LRP1B: variants seen among roughly 807,000 people sequenced by gnomAD.
LRP1B encodes the protein LDL receptor related protein 1B.
A neutral mutation model predicts 556.6 loss-of-function variants in LRP1B; 217 were observed. The ratio of observed to expected loss-of-function variants is 0.39; its 90% CI spans 0.35 to 0.44. The LOEUF (loss-of-function observed/expected upper bound fraction) is 0.44, where lower values mean the gene tolerates loss of function less well. LRP1B is among the 20% of genes least tolerant of loss of function. LRP1B has a pLI of 1.00. For missense variants in LRP1B, 5,053 were observed against 5,620.8 expected (o/e 0.90, Z 3.23); for synonymous variants, 2,047 against 1,865.8 (o/e 1.10, Z -2.50).
chr2:142,041,893 G>A (rs907838995), intron 1 of LRP1B, among the ~76,000 whole-genome samples: 1 of 150,940 alleles, frequency 6.6e-6, no homozygotes, highest in African/African-American at 2.4e-5. Context: ...TATTACACAT[G>A]TCTTAAACTT....
intron 3 of LRP1B, among the ~76,000 whole-genome samples, chr2:141,397,726 A>G (rs890317075): frequency 3.4e-4 from 51 of 151,646 alleles, no homozygotes; most frequent in Non-Finnish European, 8.8e-5. Context: ...CAGTTCAAAC[A>G]TTTATGTCTC....
intron 2 of LRP1B, among the ~76,000 whole-genome samples, chr2:141,669,944 G>T (rs10209842): frequency 4.6e-5 from 7 of 151,740 alleles, no homozygotes; most frequent in East Asian, 3.9e-4. Context: ...TAGTACAGAC[G>T]GGGTTTCACC....
At chr2:141,039,155 T>C (rs1250312460) in intron 11 of LRP1B, among the ~76,000 whole-genome samples, 2 of 152,082 alleles carry the variant, frequency 1.3e-5, no homozygotes, top group Admixed American at 1.3e-4. Context: ...CATTCCTTCA[T>C]CCTGCATATC....
At chr2:140,495,049 A>AG (rs1422855924) in intron 56 of LRP1B, among the ~76,000 whole-genome samples, 1 of 152,160 alleles carries the variant, frequency 6.6e-6, no homozygotes, top group Non-Finnish European at 1.5e-5. Flanking sequence ...ACAGGATCAA[A>AG]TACACTCCTT....
intron 15 of LRP1B, among the ~76,000 whole-genome samples, chr2:140,995,719 T>A (rs542846645): frequency 1.1e-4 from 17 of 152,156 alleles, no homozygotes; most frequent in Non-Finnish European, 1.9e-4. Flanking sequence ...CAGGCCTACT[T>A]AAGGGTTCTA....
At chr2:140,546,541 G>C (rs1214259368) in intron 43 of LRP1B, among the ~76,000 whole-genome samples, 1 of 152,106 alleles carries the variant, frequency 6.6e-6, no homozygotes, top group African/African-American at 2.4e-5. Flanking sequence ...GCAGAGCAAA[G>C]AAGGGGGAAA....
At chr2:141,663,964 C>T (rs1006665953) in intron 2 of LRP1B, among the ~76,000 whole-genome samples, 81 of 151,322 alleles carry the variant, frequency 5.4e-4, no homozygotes, top group African/African-American at 1.8e-3. Flanking sequence ...AGGCTATTAT[C>T]CCTGATGAAC....
At chr2:140,769,403 A>G in intron 34 of LRP1B, 59 bp from the exon 35 acceptor site, 1 of 1,442,356 alleles carries the variant, frequency 6.9e-7, no homozygotes, top group Non-Finnish European at 9.4e-7. Flanking sequence ...TATTTAAAAT[A>G]CAAATAATTT....
At chr2:141,282,950 A>C (rs1685563350) in intron 3 of LRP1B, among the ~76,000 whole-genome samples, 1 of 152,116 alleles carries the variant, frequency 6.6e-6, no homozygotes, top group Non-Finnish European at 1.5e-5. Flanking sequence ...TTAATATCTT[A>C]ATATTATCAT....
chr2:141,986,295 G>T (rs72852576), intron 1 of LRP1B, among the ~76,000 whole-genome samples: 4,194 of 151,958 alleles, frequency 0.028, 79 homozygotes, highest in Non-Finnish European at 0.042. Context: ...CTTTAAAAAA[G>T]TAGATATTGG....
At chr2:141,252,436 C>T (rs1684299925) in intron 4 of LRP1B, among the ~76,000 whole-genome samples, 1 of 152,058 alleles carries the variant, frequency 6.6e-6, no homozygotes, top group African/African-American at 2.4e-5. Flanking sequence ...CACATAACAG[C>T]CAGCAATCAT....
chr2:140,414,366 A>G (rs1685090070), intron 66 of LRP1B, among the ~76,000 whole-genome samples: 1 of 152,198 alleles, frequency 6.6e-6, no homozygotes, highest in Admixed American at 6.5e-5. Context: ...CTAGGGCCTC[A>G]CATAATAATA....
chr2:141,752,594 T>C (rs1015128820), intron 2 of LRP1B, among the ~76,000 whole-genome samples: 2 of 152,060 alleles, frequency 1.3e-5, no homozygotes, highest in Non-Finnish European at 2.9e-5. Context: ...CCTGGGTAGC[T>C]TTTAAGAACT....
chr2:141,692,478 T>C (rs1691574082), intron 2 of LRP1B, among the ~76,000 whole-genome samples: 1 of 152,038 alleles, frequency 6.6e-6, no homozygotes, highest in Admixed American at 6.6e-5. Context: ...CTTTTCAGCA[T>C]GAGTTTGTCA....
At chr2:141,968,301 T>G (rs1701621465) in intron 1 of LRP1B, among the ~76,000 whole-genome samples, 2 of 151,888 alleles carry the variant, frequency 1.3e-5, no homozygotes, top group East Asian at 3.9e-4. Flanking sequence ...TCATGATTAA[T>G]CAGTGGTAGA....
chr2:140,524,342 G>A (rs879849184), intron 49 of LRP1B, among the ~76,000 whole-genome samples: 2 of 151,872 alleles, frequency 1.3e-5, no homozygotes, highest in African/African-American at 4.8e-5. Flanking sequence ...TGAGGTTGTC[G>A]AGAAAAAGAA....
chr2:140,244,967 G>A (rs2104894717), intron 87 of LRP1B, among the ~76,000 whole-genome samples: 1 of 151,442 alleles, frequency 6.6e-6, no homozygotes, highest in Admixed American at 6.6e-5. Context: ...GGAAAGGTCA[G>A]TTTAACTACC....
intron 15 of LRP1B, 29 bp downstream of exon 15, chr2:141,005,302 TAAAC>T (rs755944554): frequency 6.2e-7 from 1 of 1,603,268 alleles, no homozygotes; most frequent in South Asian, 1.1e-5. Context: ...AAGAGCCCGA[TAAAC>T]AAATAAGGGT....
chr2:140,284,789 T>C (rs1573733090), intron 84 of LRP1B, among the ~76,000 whole-genome samples: 3 of 147,558 alleles, frequency 2.0e-5, no homozygotes, highest in Non-Finnish European at 4.5e-5. Context: ...GATAGATAAA[T>C]AGAGGGATGA....
Sources: allele counts gnomAD v4.1 joint callset (sites outside exome capture counted in the v4.1 genomes callset), GRCh38; gene constraint gnomAD v4.1.1; transcripts MANE v1.5; gene names NCBI Gene and HGNC (gene_info 2026-07-23, HGNC 2026-07-21).